RALGPS2: variants seen among roughly 807,000 people sequenced by gnomAD.
RALGPS2 encodes ras-specific guanine nucleotide-releasing factor RalGPS2.
RALGPS2 carries 43 observed loss-of-function variants against 86.8 expected under a neutral mutation model. The observed-to-expected ratio is 0.50, with a 90% CI of 0.39 to 0.64. The LOEUF (loss-of-function observed/expected upper bound fraction) is 0.64. Among genes scored for constraint, RALGPS2 ranks in the 30% least tolerant of loss-of-function variants. RALGPS2 has a pLI of 0.00. For synonymous variants in RALGPS2, 243 were observed against 231.3 expected (o/e 1.05, Z -0.46); for missense variants, 536 against 694.6 (o/e 0.77, Z 2.57).
At chr1:178,774,924 G>A (rs1013422196) in intron 1 of RALGPS2, among the ~76,000 whole-genome samples, 2 of 152,140 alleles carry the variant, frequency 1.3e-5, no homozygotes, top group Admixed American at 6.6e-5. Context: ...CTACTTCTAG[G>A]AAACAGATCT....
At chr1:178,780,680 T>A (rs1490383004) in intron 2 of RALGPS2, among the ~76,000 whole-genome samples, 1 of 152,188 alleles carries the variant, frequency 6.6e-6, no homozygotes, top group Admixed American at 6.6e-5. Context: ...TTTTCCTTCT[T>A]CTGTCATAAC....
intron 8 of RALGPS2, among the ~76,000 whole-genome samples, chr1:178,860,432 T>G (rs1452640258): frequency 6.6e-6 from 1 of 152,218 alleles, no homozygotes; most frequent in Non-Finnish European, 1.5e-5. Flanking sequence ...TGTCATAACA[T>G]CTTTTATAAA....
At position 178,916,470 on chromosome 1, in the gene RALGPS2, G is replaced by T; in HGVS notation, c.*111G>T. ...GTGCCAGGAAGAGCCCAGAGGCTCT[G>T]TCTCAGTCGTTGGAGTTCTCAACCA... On this transcript the variant is annotated 3_prime_UTR_variant, in exon 20 of 20. Transcript: ENST00000367635. 8.0e-6 allele frequency: 8 copies of T among 1,006,262 alleles called. No individual in the cohort carries two copies. Among genetic ancestry groups the T allele is most frequent in the Non-Finnish European group, 1.2e-5 (8 of 688,690 alleles). The allele number at this position is 1,006,262 out of a possible 1,614,324, so 62.3% of individuals were successfully genotyped here.
chr1:178,853,719 G>T, intron 8 of RALGPS2: 8 of 1,611,136 alleles, frequency 5.0e-6, no homozygotes, highest in Non-Finnish European at 6.8e-6. Context: ...CTGTTTTCAG[G>T]TTTAATCATA....
rs1386960823 is a variant in RALGPS2, at chr1:178,921,586, A to G, written c.*5227A>G. 1 of 152,054 alleles carries G rather than the reference A, an allele frequency of 6.6e-6. No homozygotes were observed. Among genetic ancestry groups the G allele is most frequent in the African/African-American group, 2.4e-5 (1 of 41,442 alleles). The allele number at this position is 152,054 out of a possible 1,614,324, so 9.4% of individuals were successfully genotyped here. A position where few individuals can be genotyped will look rare whatever the true frequency, so the allele number is the denominator to read the frequency against. ...CATCTGTAAGGACAGGTACCCAGTG[A>G]TGATAATATATCTGAAAACACAAGC... On this transcript the variant is annotated 3_prime_UTR_variant, in exon 20 of 20. Transcript: ENST00000367635.
rs201609292 is a variant in RALGPS2, at chr1:178,893,908, C to T, written c.1326-11C>T. On this transcript the variant is annotated splice_polypyrimidine_tract_variant and intron_variant, in intron 15 of 19. Coordinates refer to ENST00000367635, the MANE Select transcript of RALGPS2 (RefSeq NM_152663.5). Reference sequence around the variant, plus strand: ...AAAAGCTCTTATGTGTTCTTTTCTTCGTTATTATAGTTCTGCAGAATCAGA... The same window carrying T: ...AAAAGCTCTTATGTGTTCTTTTCTTTGTTATTATAGTTCTGCAGAATCAGA... 7 of 1,549,842 alleles carry T rather than the reference C, an allele frequency of 4.5e-6. No homozygotes were observed. The highest frequency in any genetic ancestry group is 2.3e-5 in the East Asian group (1 of 44,280).
chr1:178,882,635 G>T (rs533131409), intron 10 of RALGPS2, among the ~76,000 whole-genome samples: 2 of 152,112 alleles, frequency 1.3e-5, no homozygotes, highest in African/African-American at 2.4e-5. Context: ...GACAGACTCC[G>T]CAATATTAAG....
chr1:178,878,868 T>G (rs764125190), intron 9 of RALGPS2, 34 bp from the exon 10 acceptor site: 1 of 1,605,940 alleles, frequency 6.2e-7, no homozygotes, highest in South Asian at 1.1e-5. Flanking sequence ...TAAGATGTAC[T>G]TTATCAGATA....
At chr1:178,781,866 A>G (rs1167032129) in intron 2 of RALGPS2, among the ~76,000 whole-genome samples, 3 of 152,188 alleles carry the variant, frequency 2.0e-5, no homozygotes, top group Non-Finnish European at 2.9e-5. Flanking sequence ...TTGTTGACAT[A>G]CTATAAACTA....
chr1:178,861,519 CA>C (rs2102324504), intron 8 of RALGPS2, among the ~76,000 whole-genome samples: 1 of 151,144 alleles, frequency 6.6e-6, no homozygotes, highest in East Asian at 1.9e-4. Flanking sequence ...TTTGTATAAA[CA>C]TTTTCTTAGA....
intron 8 of RALGPS2, among the ~76,000 whole-genome samples, chr1:178,838,197 T>C (rs1327289172): frequency 6.6e-6 from 1 of 152,164 alleles, no homozygotes; most frequent in Non-Finnish European, 1.5e-5. Flanking sequence ...AGCACAGAGT[T>C]TGAGATCTGA....
intron 18 of RALGPS2, among the ~76,000 whole-genome samples, chr1:178,905,772 T>C (rs186357177): frequency 1.3e-5 from 2 of 152,312 alleles, no homozygotes; most frequent in East Asian, 1.9e-4. Context: ...TTAATACATA[T>C]AACCATTTAA....
chr1:178,747,028 G>A (rs7528223), intron 1 of RALGPS2: 122,049 of 897,704 alleles, frequency 0.14, 10,697 homozygotes, highest in African/African-American at 0.38. Context: ...TGCTCCTTCT[G>A]TTATAGCCAT....
At chr1:178,853,071 G>T in intron 8 of RALGPS2, 1 of 1,453,568 alleles carries the variant, frequency 6.9e-7, no homozygotes, top group Non-Finnish European at 9.0e-7. Context: ...GTGGTAATGT[G>T]AGCTTCCATT....
At chr1:178,769,058 C>T (rs934806865) in intron 1 of RALGPS2, among the ~76,000 whole-genome samples, 1 of 150,630 alleles carries the variant, frequency 6.6e-6, no homozygotes, top group Non-Finnish European at 1.5e-5. Context: ...AGATGGGGAC[C>T]CCTGCACCTG....
intron 1 of RALGPS2, among the ~76,000 whole-genome samples, chr1:178,752,694 T>C (rs1374584849): frequency 6.6e-6 from 1 of 152,230 alleles, no homozygotes; most frequent in Non-Finnish European, 1.5e-5. Context: ...ATTAAAGGTC[T>C]GAAGGAGTTA....
chr1:178,885,254 G>A, intron 12 of RALGPS2, 43 bp downstream of exon 12: 3 of 1,559,272 alleles, frequency 1.9e-6, no homozygotes, highest in South Asian at 1.2e-5. Flanking sequence ...TAAGTCTTTT[G>A]TAATTGGATT....
At chr1:178,788,837 C>CT (rs1553263473) in intron 4 of RALGPS2, among the ~76,000 whole-genome samples, 9 of 123,138 alleles carry the variant, frequency 7.3e-5, no homozygotes, top group African/African-American at 3.2e-4. Context: ...TGTTTTCTTT[C>CT]TTTCTTTCTT....
chr1:178,761,002 T>G (rs935950167), intron 1 of RALGPS2, among the ~76,000 whole-genome samples: 1 of 147,668 alleles, frequency 6.8e-6, no homozygotes, highest in African/African-American at 2.5e-5. Flanking sequence ...TTTTTGAGAG[T>G]CTTGCTGTGT....
Sources: allele counts gnomAD v4.1 joint callset (sites outside exome capture counted in the v4.1 genomes callset), GRCh38; gene constraint gnomAD v4.1.1; transcripts MANE v1.5; gene names NCBI Gene and HGNC (gene_info 2026-07-23, HGNC 2026-07-21).